Variants in DOK6 observed in about 807,000 individuals in gnomAD.
DOK6 encodes the protein docking protein 6.
DOK6 carries 22 observed loss-of-function variants against 44.0 expected under a neutral mutation model. The observed-to-expected ratio is 0.50, with a 90% CI of 0.36 to 0.71. The LOEUF (loss-of-function observed/expected upper bound fraction) is 0.71. DOK6 is among the 30% of genes least tolerant of loss of function. The probability of loss-of-function intolerance (pLI) is 0.00; values close to 1 mark genes in which losing one functional copy is unlikely to be tolerated. For synonymous variants in DOK6, 166 were observed against 145.5 expected, an observed-to-expected ratio of 1.14 and a Z score of -1.01; for missense variants, 340 against 416.4, an observed-to-expected ratio of 0.82 and a Z score of 1.60.
intron 1 of DOK6, among the ~76,000 whole-genome samples, chr18:69,405,614 AAT>A: frequency 6.6e-6 from 1 of 152,098 alleles, no homozygotes; most frequent in Middle Eastern, 3.4e-3. Context: ...AATAAAATAA[AAT>A]AAAATAAAAT....
intron 3 of DOK6, among the ~76,000 whole-genome samples, chr18:69,614,526 T>C (rs1354166042): frequency 7.1e-6 from 1 of 140,922 alleles, no homozygotes; most frequent in African/African-American, 2.6e-5. Flanking sequence ...TTCACGTAAT[T>C]ATCACTTTAT....
At chr18:69,766,053 G>A (rs1342030612) in intron 7 of DOK6, among the ~76,000 whole-genome samples, 1 of 152,132 alleles carries the variant, frequency 6.6e-6, no homozygotes, top group Non-Finnish European at 1.5e-5. Context: ...TCAAGAAATT[G>A]TGGTACATAT....
chr18:69,469,765 G>A (rs1314427148), intron 1 of DOK6: 8 of 242,598 alleles, frequency 3.3e-5, no homozygotes, highest in South Asian at 2.8e-4. Flanking sequence ...CCATCGGCGA[G>A]GTTGGACAGG....
At chr18:69,558,242 G>A (rs1050497842) in intron 1 of DOK6, among the ~76,000 whole-genome samples, 1 of 152,028 alleles carries the variant, frequency 6.6e-6, no homozygotes, top group Non-Finnish European at 1.5e-5. Flanking sequence ...CTGGTTTGAT[G>A]AAGAGTACAG....
intron 1 of DOK6, among the ~76,000 whole-genome samples, chr18:69,420,376 G>T (rs1978455951): frequency 6.6e-6 from 1 of 151,902 alleles, no homozygotes; most frequent in Non-Finnish European, 1.5e-5. Context: ...TGTTCTATTA[G>T]GAATCATCCC....
In DOK6 at chr18:69,716,839, G is replaced by A. The variant is rs540648502; in HGVS notation, c.599+18246G>A. 3.7e-4 allele frequency among the ~76,000 whole-genome samples: 56 copies of A among 152,092 alleles called. 1 individual carries two copies. Among genetic ancestry groups the A allele is most frequent in the African/African-American group, 1.2e-3 (48 of 41,468 alleles). On this transcript the variant is annotated intron_variant, in intron 5 of 7. Coordinates refer to ENST00000382713, the MANE Select transcript of DOK6 (RefSeq NM_152721.6). ...TCTTAATTATTTCTGATTTCCAAAT[G>A]GGTACCCAAGTGATCAAAGCCATCG...
At chr18:69,640,857 G>C (rs563233345) in intron 3 of DOK6, among the ~76,000 whole-genome samples, 32 of 152,144 alleles carry the variant, frequency 2.1e-4, no homozygotes, top group African/African-American at 7.5e-4. Flanking sequence ...GCATCCCCCA[G>C]TAACAAATTA....
chr18:69,447,747 A>T (rs1024900376), intron 1 of DOK6, among the ~76,000 whole-genome samples: 18 of 152,194 alleles, frequency 1.2e-4, no homozygotes, highest in Non-Finnish European at 2.9e-5. Context: ...CTTTTAACAG[A>T]GTATGTGTAT....
intron 1 of DOK6, among the ~76,000 whole-genome samples, chr18:69,535,113 G>C (rs904260791): frequency 3.3e-5 from 5 of 152,018 alleles, no homozygotes; most frequent in Non-Finnish European, 7.4e-5. Flanking sequence ...GATCTTATAA[G>C]GGTTTTGGTT....
chr18:69,682,029 C>T (rs1469132863), intron 4 of DOK6, among the ~76,000 whole-genome samples: 1 of 152,164 alleles, frequency 6.6e-6, no homozygotes, highest in African/African-American at 2.4e-5. Flanking sequence ...GAGTGGGCTA[C>T]ATACATTTCT....
intron 4 of DOK6, among the ~76,000 whole-genome samples, chr18:69,694,567 C>CTT (rs1288898526): frequency 6.6e-6 from 1 of 151,794 alleles, no homozygotes; most frequent in Non-Finnish European, 1.5e-5. Context: ...ATATGGGACT[C>CTT]TAAATTTTAC....
intron 7 of DOK6, among the ~76,000 whole-genome samples, chr18:69,795,570 T>C (rs1189950428): frequency 6.6e-6 from 1 of 152,126 alleles, no homozygotes; most frequent in Non-Finnish European, 1.5e-5. Flanking sequence ...AACAACATTG[T>C]TTAATGTGAG....
chr18:69,798,333 G>A (rs1980807615), intron 7 of DOK6, among the ~76,000 whole-genome samples: 1 of 151,984 alleles, frequency 6.6e-6, no homozygotes, highest in Non-Finnish European at 1.5e-5. Context: ...TGGGTAGGAG[G>A]GCAAAGTTCC....
At chr18:69,820,121 T>G (rs1050329357) in intron 7 of DOK6, among the ~76,000 whole-genome samples, 1 of 152,180 alleles carries the variant, frequency 6.6e-6, no homozygotes, top group African/African-American at 2.4e-5. Flanking sequence ...GTGTGTATGT[T>G]TACTATATTT....
rs192214717 is a variant in DOK6 at position 69,824,685 on chromosome 18, G to A, written c.857-16559G>A. On this transcript the variant is annotated intron_variant, in intron 7 of 7. Transcript: ENST00000382713. ...GTCCTTCAAATTTTTAACAAAAATC[G>A]TTTACAAACCACTTCAAACCCATTC... 5.3e-5 allele frequency among the ~76,000 whole-genome samples: 8 copies of A among 152,292 alleles called. No individual in the cohort carries two copies. In the South Asian group the frequency reaches 1.7e-3, roughly 32 times the overall value.
chr18:69,688,978 C>T (rs994246095), intron 4 of DOK6, among the ~76,000 whole-genome samples: 2 of 152,020 alleles, frequency 1.3e-5, no homozygotes, highest in African/African-American at 2.4e-5. Context: ...TTATATAAAA[C>T]GCTGGAAACA....
intron 2 of DOK6, among the ~76,000 whole-genome samples, chr18:69,573,959 T>C (rs955014696): frequency 1.3e-5 from 2 of 151,968 alleles, no homozygotes; most frequent in African/African-American, 4.8e-5. Context: ...AAGCCATCAA[T>C]AGGAATATAT....
At chr18:69,511,206 A>G (rs923073448) in intron 1 of DOK6, among the ~76,000 whole-genome samples, 7 of 152,136 alleles carry the variant, frequency 4.6e-5, no homozygotes, top group African/African-American at 1.7e-4. Flanking sequence ...ACCTTGAACC[A>G]TCTTTCTCCC....
intron 1 of DOK6, among the ~76,000 whole-genome samples, chr18:69,451,252 G>A (rs1979457744): frequency 7.1e-6 from 1 of 141,462 alleles, no homozygotes; most frequent in African/African-American, 2.6e-5. Context: ...AAAAGGCAGG[G>A]GTTGCAATCC....
Sources: gnomAD v4.1 joint callset for allele counts (sites outside exome capture counted in the v4.1 genomes callset) on GRCh38, gnomAD v4.1.1 for gene constraint, MANE v1.5 for transcripts, NCBI Gene and HGNC (gene_info 2026-07-23, HGNC 2026-07-21) for gene names.